ZFHX3: variants seen among roughly 807,000 people sequenced by gnomAD.
ZFHX3 encodes the protein zinc finger homeobox protein 3.
A neutral mutation model predicts 279.1 loss-of-function variants in ZFHX3; 42 were observed. The observed-to-expected ratio is 0.15, with a 90% CI of 0.12 to 0.19. The LOEUF (loss-of-function observed/expected upper bound fraction) is 0.19. ZFHX3 is among the 10% of genes least tolerant of loss of function. The probability of loss-of-function intolerance (pLI) is 1.00; values close to 1 mark genes in which losing one functional copy is unlikely to be tolerated. For missense variants in ZFHX3, 4,981 were observed against 4,754.0 expected (o/e 1.05, Z -1.40); for synonymous variants, 2,293 against 1,957.8 (o/e 1.17, Z -4.52).
At chr16:73,160,317 C>T (rs113640575) in intron 5 of ZFHX3, among the ~76,000 whole-genome samples, 124 of 152,106 alleles carry the variant, frequency 8.2e-4, no homozygotes, top group African/African-American at 2.9e-3. Flanking sequence ...ATAAATAGCC[C>T]GTCAACCAAA....
chr16:73,485,503 A>G (rs74028674), intron 2 of ZFHX3, among the ~76,000 whole-genome samples: 21,755 of 151,802 alleles, frequency 0.14, 1,776 homozygotes, highest in South Asian at 0.22. Flanking sequence ...TGATGAAAAT[A>G]CTCTACCATT....
intron 1 of ZFHX3, among the ~76,000 whole-genome samples, chr16:73,807,922 T>C (rs1960327073): frequency 6.6e-6 from 1 of 152,116 alleles, no homozygotes; most frequent in Non-Finnish European, 1.5e-5. Context: ...CTAGAAATCC[T>C]CATGAACTTG....
intron 2 of ZFHX3, among the ~76,000 whole-genome samples, chr16:73,463,098 C>A (rs1033032745): frequency 6.6e-6 from 1 of 152,176 alleles, no homozygotes; most frequent in Admixed American, 6.5e-5. Flanking sequence ...GGTCTGAAGT[C>A]TATAATAAAT....
chr16:72,940,455 C>T (rs1439124049), intron 3 of ZFHX3, among the ~76,000 whole-genome samples: 1 of 152,146 alleles, frequency 6.6e-6, no homozygotes, highest in East Asian at 1.9e-4. Context: ...TGCAAGGATG[C>T]CTTCCACCCA....
chr16:73,288,180 AGGGAGGGAGAGAAGG>A (rs1412001795), intron 4 of ZFHX3, among the ~76,000 whole-genome samples: 1 of 74,624 alleles, frequency 1.3e-5, no homozygotes, highest in Non-Finnish European at 2.8e-5. Context: ...GGAGGGAGGG[AGGGAGGGAGAGAAGG>A]GGGACTTTGG....
intron 2 of ZFHX3, among the ~76,000 whole-genome samples, chr16:73,657,458 AAAAAT>A (rs1455856224): frequency 3.9e-5 from 6 of 152,232 alleles, no homozygotes; most frequent in African/African-American, 1.2e-4. Context: ...ACTCCATCTC[AAAAAT>A]AAAATAAGTA....
chr16:72,806,320 A>G (rs1432702649), intron 7 of ZFHX3, among the ~76,000 whole-genome samples: 1 of 152,214 alleles, frequency 6.6e-6, no homozygotes, highest in Admixed American at 6.5e-5. Flanking sequence ...AAGATTGAAA[A>G]GGTAGATGGG....
At chr16:73,360,453 C>T (rs574142041) in intron 3 of ZFHX3, among the ~76,000 whole-genome samples, 1 of 152,350 alleles carries the variant, frequency 6.6e-6, no homozygotes, top group African/African-American at 2.4e-5. Flanking sequence ...ATTCTCCTGC[C>T]TCAGCCTTCC....
At chr16:73,784,809 A>G (rs1263419118) in intron 1 of ZFHX3, among the ~76,000 whole-genome samples, 1 of 123,720 alleles carries the variant, frequency 8.1e-6, no homozygotes, top group Non-Finnish European at 1.6e-5. Flanking sequence ...ATATATATAT[A>G]TATATATACA....
intron 1 of ZFHX3, among the ~76,000 whole-genome samples, chr16:73,811,416 T>C (rs1177561768): frequency 6.6e-6 from 1 of 151,406 alleles, no homozygotes; most frequent in Non-Finnish European, 1.5e-5. Flanking sequence ...GCAAAGTTGA[T>C]CTTCAATCCC....
chr16:73,819,549 T>C (rs1195223608), intron 1 of ZFHX3, among the ~76,000 whole-genome samples: 3 of 152,176 alleles, frequency 2.0e-5, no homozygotes, highest in Non-Finnish European at 4.4e-5. Flanking sequence ...TTGGGCCACT[T>C]TGTGGTCTAA....
intron 5 of ZFHX3, among the ~76,000 whole-genome samples, chr16:73,243,673 T>A (rs2013192594): frequency 6.6e-6 from 1 of 152,184 alleles, no homozygotes; most frequent in Non-Finnish European, 1.5e-5. Flanking sequence ...GGGGTTTTGC[T>A]TCAGTGATTT....
In ZFHX3 at chr16:72,794,483, A is replaced by G. The variant is rs753257514; in HGVS notation, c.8199T>C (p.Arg2733=). Reference sequence around the variant, plus strand: ...CAGCTCTCTTGGCTTCATGCCAGTGACGGGACCGGATATGAGCCTCAAGAG... The same window carrying G: ...CAGCTCTCTTGGCTTCATGCCAGTGGCGGGACCGGATATGAGCCTCAAGAG... ...KTALEAHIRS[R]HWHEAKRAGY... Residue 2733 remains arginine (R), a synonymous_variant, in exon 9 of 10, where the codon CGT becomes CGC. Coordinates refer to ENST00000268489, the MANE Select transcript of ZFHX3 (RefSeq NM_006885.4). This position sits in a 1 kb window ranked among gnomAD's most constrained non-coding sequence, Gnocchi z 4.2. 6.2e-7 allele frequency: 1 copy of G among 1,614,190 alleles called. No individual in the cohort carries two copies. The highest frequency in any genetic ancestry group is 1.1e-5 in the South Asian group (1 of 91,082).
intron 5 of ZFHX3, among the ~76,000 whole-genome samples, chr16:73,195,900 A>G (rs894766687): frequency 6.6e-6 from 1 of 152,164 alleles, no homozygotes; most frequent in African/African-American, 2.4e-5. Flanking sequence ...AGTTACACCA[A>G]TGGTGCAGAG....
chr16:73,598,474 G>A (rs980075510), intron 2 of ZFHX3, among the ~76,000 whole-genome samples: 1 of 149,572 alleles, frequency 6.7e-6, no homozygotes, highest in Non-Finnish European at 1.5e-5. Flanking sequence ...CTGGAGCGTA[G>A]TGGCGTGATC....
At chr16:72,810,102 T>A (rs1427553434) in intron 7 of ZFHX3, among the ~76,000 whole-genome samples, 3 of 152,144 alleles carry the variant, frequency 2.0e-5, no homozygotes, top group Admixed American at 2.0e-4. Flanking sequence ...GCCAGGATGG[T>A]CTCGATCTCC....
chr16:73,796,129 T>C (rs1345067688), intron 1 of ZFHX3, among the ~76,000 whole-genome samples: 2 of 152,210 alleles, frequency 1.3e-5, no homozygotes, highest in Non-Finnish European at 2.9e-5. Context: ...CTAATTTTCT[T>C]TTGCCTCTAA....
At chr16:73,471,921 G>A (rs1441969827) in intron 2 of ZFHX3, among the ~76,000 whole-genome samples, 4 of 152,132 alleles carry the variant, frequency 2.6e-5, no homozygotes, top group Non-Finnish European at 4.4e-5. Flanking sequence ...CAAGCCCGCT[G>A]CATGGTGGTG....
chr16:73,803,325 T>C (rs1350596193), intron 1 of ZFHX3, among the ~76,000 whole-genome samples: 2 of 152,244 alleles, frequency 1.3e-5, no homozygotes, highest in Non-Finnish European at 2.9e-5. Context: ...TGTTCAGTGT[T>C]GAGGTATATC....
Sources: allele counts gnomAD v4.1 joint callset (sites outside exome capture counted in the v4.1 genomes callset), GRCh38; gene constraint gnomAD v4.1.1; non-coding constraint Gnocchi (gnomAD v3.1); transcripts MANE v1.5; gene names NCBI Gene and HGNC (gene_info 2026-07-23, HGNC 2026-07-21).